The following MTUS1 variants were observed in gnomAD, a reference collection of about 807,000 sequenced individuals.
MTUS1 encodes the protein microtubule-associated tumor suppressor 1.
A neutral mutation model predicts 120.8 loss-of-function variants in MTUS1; 109 were observed. That is an observed-to-expected ratio of 0.90 (90% CI 0.77 to 1.06). The LOEUF (loss-of-function observed/expected upper bound fraction) is 1.06. Among genes scored for constraint, MTUS1 ranks in the 50% least tolerant of loss-of-function variants. The pLI, the probability that MTUS1 is intolerant of heterozygous loss-of-function variation, is 0.00. For synonymous variants in MTUS1, 737 were observed against 550.5 expected, an observed-to-expected ratio of 1.34 and a Z score of -4.74; for missense variants, 2,210 against 1,486.3, an observed-to-expected ratio of 1.49 and a Z score of -8.01.
chr8:17,799,168 C>G (rs531614441), intron 1 of MTUS1, among the ~76,000 whole-genome samples: 1 of 152,268 alleles, frequency 6.6e-6, no homozygotes, highest in African/African-American at 2.4e-5. Flanking sequence ...TTCCAACCAT[C>G]AACTGTATTT....
At chr8:17,798,557 C>T (rs1034890604) in intron 1 of MTUS1, among the ~76,000 whole-genome samples, 2 of 152,178 alleles carry the variant, frequency 1.3e-5, no homozygotes, top group African/African-American at 4.8e-5. Flanking sequence ...TGGTCTCGAA[C>T]CCCTGACCTC....
rs1224031733 is a variant in MTUS1 at position 17,715,793 on chromosome 8, A to C, written c.2558T>G (p.Val853Gly). ...YLKPLVSRAHVHLMKTPPKGP... is the reference protein window; with the variant it reads ...YLKPLVSRAHGHLMKTPPKGP... Reference sequence around the variant, plus strand: ...TTTTGGAGGAGTTTTCATCAAGTGAACATGAGCCCTGGATACCAAAGGCTT... The same window carrying C: ...TTTTGGAGGAGTTTTCATCAAGTGACCATGAGCCCTGGATACCAAAGGCTT... The change falls in exon 5 of 15, where the codon GTT (valine) becomes GGT (glycine). Residue 853 changes from valine (V) to glycine (G), a missense_variant. Transcript: ENST00000693296. 1 of 1,613,638 alleles carries C rather than the reference A, an allele frequency of 6.2e-7. No homozygotes were observed. The highest frequency in any genetic ancestry group is 8.5e-7 in the Non-Finnish European group (1 of 1,179,910).
intron 6 of MTUS1, among the ~76,000 whole-genome samples, chr8:17,708,047 G>A (rs380129): frequency 0.41 from 61,842 of 151,894 alleles, 12,655 homozygotes; most frequent in East Asian, 0.54. Flanking sequence ...CTTGGATTAG[G>A]CAACTGTTTC....
intron 6 of MTUS1, chr8:17,697,525 G>T (rs1002741443): frequency 1.4e-6 from 2 of 1,383,040 alleles, no homozygotes; most frequent in Non-Finnish European, 1.9e-6. Context: ...CACCAGAGAG[G>T]CATAGAAGAA....
intron 4 of MTUS1, chr8:17,722,693 G>T: frequency 3.1e-6 from 1 of 325,666 alleles, no homozygotes; most frequent in Non-Finnish European, 4.4e-6. Flanking sequence ...GCTGCTGTGT[G>T]ATTTTAGACC....
Position 17,753,794 on chromosome 8 carries a change from T to G in MTUS1, c.2014A>C (p.Asn672His). Residue 672 changes from asparagine (N) to histidine (H), a missense_variant, in exon 2 of 15, where the codon AAT (asparagine) becomes CAT (histidine). Physicochemically the swap from Asn to His is moderately conservative, Grantham distance 68 (BLOSUM62 1). Transcript: ENST00000693296. The part of the protein sequence containing the change: ...ISPEKKGEKE[N>H]GTSMEKQELK... ...TCTTGTTTTTCCATAGATGTCCCATTTTCTTTTTCACCCTTCTTTTCAGGG... is the reference window on the plus strand; with the variant it reads ...TCTTGTTTTTCCATAGATGTCCCATGTTCTTTTTCACCCTTCTTTTCAGGG... 1 of 1,613,852 alleles carries G rather than the reference T, an allele frequency of 6.2e-7. No homozygotes were observed. Among genetic ancestry groups the G allele is most frequent in the Non-Finnish European group, 8.5e-7 (1 of 1,179,990 alleles).
rs768767235 is a variant in MTUS1, at chr8:17,755,849, T to A, written c.-42A>T. On this transcript the variant is annotated 5_prime_UTR_variant, in exon 2 of 15. Transcript: ENST00000693296. ...AAACCTCTGCCATTTTATTTCTTCT[T>A]CAATTCCTTTTAAATGAGAGGGTGG... is the stretch of plus-strand genomic sequence containing the variant. The A allele has an allele frequency of 6.4e-7, 1 of 1,563,068 alleles. No individual in the cohort carries two copies. The highest frequency in any genetic ancestry group is 1.2e-5 in the South Asian group (1 of 81,264).
In MTUS1 at chr8:17,654,445, C is replaced by T. The variant is rs887317221; in HGVS notation, c.3214+116G>A. 1.5e-5 allele frequency: 11 copies of T among 727,116 alleles called. No homozygotes were observed. The African/African-American group carries it at 1.8e-4, about 12-fold the overall frequency. 45.0% of individuals were successfully genotyped at this position (727,116 alleles called of 1,614,324 possible). A position where few individuals can be genotyped will look rare whatever the true frequency, so the allele number is the denominator to read the frequency against. ...CAAAAAGGAACCAAGAACACCCCAG[C>T]CTGAAGGCCACAGGGCATTCGCTGA... On this transcript the variant is annotated intron_variant, in intron 10 of 14. Transcript: ENST00000693296.
At chr8:17,767,713 A>AAAAAAC (rs1375678113) in intron 1 of MTUS1, among the ~76,000 whole-genome samples, 1 of 141,184 alleles carries the variant, frequency 7.1e-6, no homozygotes, top group Non-Finnish European at 1.6e-5. Flanking sequence ...AAAAAAAAAA[A>AAAAAAC]AAAAACGGTG....
intron 3 of MTUS1, among the ~76,000 whole-genome samples, chr8:17,732,427 G>C (rs1017239294): frequency 6.6e-6 from 1 of 152,120 alleles, no homozygotes; most frequent in African/African-American, 2.4e-5. Context: ...ATGCCCCTAC[G>C]TTCCTGGCTG....
At chr8:17,788,271 T>C (rs78834913) in intron 1 of MTUS1, among the ~76,000 whole-genome samples, 3,885 of 152,302 alleles carry the variant, frequency 0.026, 163 homozygotes, top group African/African-American at 0.088. Flanking sequence ...ATCTCAAAAA[T>C]TGTTTCAAAG....
At chr8:17,786,108 C>G (rs1259094137) in intron 1 of MTUS1, among the ~76,000 whole-genome samples, 1 of 152,108 alleles carries the variant, frequency 6.6e-6, no homozygotes, top group Non-Finnish European at 1.5e-5. Context: ...CCAAAGCACT[C>G]CAGCCTGGGT....
rs568876796 is a variant in MTUS1, at chr8:17,735,217, G to A, written c.2287+8387C>T. 1.3e-4 allele frequency among the ~76,000 whole-genome samples: 20 copies of A among 152,138 alleles called. 1 individual carries two copies. The highest frequency in any genetic ancestry group is 4.6e-4 in the Admixed American group (7 of 15,286). On this transcript the variant is annotated intron_variant, in intron 3 of 14. Coordinates refer to ENST00000693296, the MANE Select transcript of MTUS1 (RefSeq NM_001363059.2). The stretch of plus-strand genomic sequence containing the variant: ...AGCCTCCTCCAATTTCACATGCCCC[G>A]AATTAAACTCACTATTCTCCTCCGG...
intron 8 of MTUS1, among the ~76,000 whole-genome samples, chr8:17,672,432 G>T (rs1042785400): frequency 3.9e-5 from 6 of 152,096 alleles, no homozygotes; most frequent in African/African-American, 1.2e-4. Context: ...CCACAAATGT[G>T]GCCCCGGACA....
chr8:17,645,316 C>T lies in MTUS1; in HGVS notation c.*610G>A, dbSNP rs1175486073. On this transcript the variant is annotated 3_prime_UTR_variant, in exon 15 of 15. Coordinates refer to ENST00000693296, the MANE Select transcript of MTUS1 (RefSeq NM_001363059.2). Reference sequence around the variant, plus strand: ...CTCCCTACCCTGTTACAGGGCTGAGCAGAGTTGGTGGTAGATGATCATAAT... The same window carrying T: ...CTCCCTACCCTGTTACAGGGCTGAGTAGAGTTGGTGGTAGATGATCATAAT... 1 of 152,724 alleles carries T rather than the reference C, an allele frequency of 6.5e-6. No individual in the cohort carries two copies. Among genetic ancestry groups the T allele is most frequent in the Non-Finnish European group, 1.5e-5 (1 of 68,106 alleles). 9.5% of individuals were successfully genotyped at this position (152,724 alleles called of 1,614,324 possible).
intron 1 of MTUS1, among the ~76,000 whole-genome samples, chr8:17,756,671 A>ACCCCGC (rs1554526125): frequency 8.5e-6 from 1 of 117,484 alleles, no homozygotes; most frequent in South Asian, 3.9e-4. Flanking sequence ...TCAAGCCCAA[A>ACCCCGC]CCCCCACCCC....
intron 8 of MTUS1, among the ~76,000 whole-genome samples, chr8:17,658,368 C>T (rs1485945421): frequency 6.6e-6 from 1 of 152,164 alleles, no homozygotes. Flanking sequence ...CTCTTCCCTA[C>T]AACTACCAAA....
chr8:17,798,928 AG>A (rs1210768709), intron 1 of MTUS1, among the ~76,000 whole-genome samples: 1 of 152,222 alleles, frequency 6.6e-6, no homozygotes, highest in East Asian at 1.9e-4. Context: ...GAAAACAACT[AG>A]ATTTCTTTGG....
intron 6 of MTUS1, among the ~76,000 whole-genome samples, chr8:17,707,441 T>C (rs564838314): frequency 4.6e-5 from 7 of 151,856 alleles, no homozygotes; most frequent in Non-Finnish European, 4.4e-5. Context: ...GAGAAGAACC[T>C]GGGAAAGTCA....
Sources: gnomAD v4.1 joint callset for allele counts (sites outside exome capture counted in the v4.1 genomes callset) on GRCh38, gnomAD v4.1.1 for gene constraint, MANE v1.5 for transcripts, NCBI Gene and HGNC (gene_info 2026-07-23, HGNC 2026-07-21) for gene names.